Variants in KDM6A observed in about 807,000 individuals in gnomAD.
KDM6A encodes the protein lysine demethylase 6A, also known as lysine-specific demethylase 6A.
In KDM6A, 11 loss-of-function variants were observed where a neutral mutation model predicts 117.6. The ratio of observed to expected loss-of-function variants is 0.09; its 90% CI spans 0.06 to 0.15. The LOEUF (loss-of-function observed/expected upper bound fraction) is 0.15. KDM6A is among the 10% of genes least tolerant of loss of function. KDM6A has a pLI of 1.00. For missense variants in KDM6A, 799 were observed against 1,077.3 expected (o/e 0.74, Z 3.62); for synonymous variants, 384 against 396.1 (o/e 0.97, Z 0.36).
At position 45,109,460 on chromosome X, in the gene KDM6A, A is replaced by G. The variant is rs1164318411; in HGVS notation, c.4162-619A>G. 1.5e-4 allele frequency among the ~76,000 whole-genome samples: 17 copies of G among 112,020 alleles called. 1 individual carries two copies. In the Admixed American group the frequency reaches 1.6e-3, roughly 11 times the overall value. ...GATCATAAGAGTTTTCTGTCATTGA[A>G]GAAATTTAAGGATAAGCCAAAGACA... On this transcript the variant is annotated intron_variant, in intron 28 of 29. Coordinates refer to ENST00000611820, the MANE Select transcript of KDM6A (RefSeq NM_001291415.2).
In KDM6A at chrX:45,070,165, C is replaced by T. The variant is rs1378200811; in HGVS notation, c.2666C>T (p.Thr889Ile). 2 of 1,209,930 alleles carry T rather than the reference C, an allele frequency of 1.7e-6. No homozygotes were observed. The highest frequency in any genetic ancestry group is 2.2e-6 in the Non-Finnish European group (2 of 894,963). ...TCTCCAAAATCCACTGAGCAGACAA[C>T]CACAAACAGTGTTACCAGCCTTAAC... ...TPSPKSTEQT[T>I]TNSVTSLNSP... Residue 889 changes from threonine (T) to isoleucine (I), a missense_variant, in exon 18 of 30, where the codon ACC (threonine) becomes ATC (isoleucine). This residue lies in a region of KDM6A where 291 missense variants were observed against 437.9 expected (regional missense o/e 0.66). Coordinates refer to ENST00000611820, the MANE Select transcript of KDM6A (RefSeq NM_001291415.2).
intron 28 of KDM6A, among the ~76,000 whole-genome samples, chrX:45,109,233 T>C (rs1309677042): frequency 2.8e-5 from 3 of 108,051 alleles, no homozygotes; most frequent in East Asian, 5.8e-4. Flanking sequence ...AATGGGAATA[T>C]TAAAGAAGGG....
chrX:44,985,152 G>A (rs1254007037), intron 4 of KDM6A, among the ~76,000 whole-genome samples: 4 of 110,444 alleles, frequency 3.6e-5, no homozygotes, highest in Non-Finnish European at 7.6e-5. Context: ...GGATTCCTAG[G>A]TATTTTATTC....
chrX:45,046,755 A>G (rs888266859), intron 8 of KDM6A, among the ~76,000 whole-genome samples: 5 of 111,733 alleles, frequency 4.5e-5, no homozygotes, highest in Non-Finnish European at 7.5e-5. Flanking sequence ...TACTAACCCA[A>G]TAAAACTTGT....
intron 3 of KDM6A, among the ~76,000 whole-genome samples, chrX:44,962,358 T>A (rs974443719): frequency 2.7e-5 from 3 of 111,847 alleles, no homozygotes; most frequent in African/African-American, 9.8e-5. Flanking sequence ...TGCACTACCT[T>A]TAACAGATTA....
intron 2 of KDM6A, among the ~76,000 whole-genome samples, chrX:44,955,782 A>G (rs936186748): frequency 8.1e-5 from 9 of 111,353 alleles, no homozygotes; most frequent in African/African-American, 2.9e-4. Context: ...AGCTTCTAAA[A>G]ACCATAATTC....
intron 25 of KDM6A, among the ~76,000 whole-genome samples, chrX:45,087,210 C>T (rs1047468523): frequency 8.9e-6 from 1 of 112,266 alleles, no homozygotes; most frequent in Non-Finnish European, 1.9e-5. Flanking sequence ...AGGCTGGTCT[C>T]GAACTCCTGA....
At chrX:45,043,025 C>T (rs2043349408) in intron 8 of KDM6A, among the ~76,000 whole-genome samples, 2 of 112,723 alleles carry the variant, frequency 1.8e-5, no homozygotes, top group Admixed American at 1.9e-4. Context: ...CGCAGTGGTT[C>T]ATGCCTGTAA....
At chrX:45,008,739 A>T (rs2041623393) in intron 4 of KDM6A, among the ~76,000 whole-genome samples, 1 of 111,573 alleles carries the variant, frequency 9.0e-6, no homozygotes, top group African/African-American at 3.3e-5. Flanking sequence ...AGGGGATGGG[A>T]TAGTAGATGA....
chrX:45,108,863 G>A (rs1234591226), intron 28 of KDM6A, among the ~76,000 whole-genome samples: 5 of 99,752 alleles, frequency 5.0e-5, no homozygotes, highest in East Asian at 3.1e-4. Flanking sequence ...GTAAACTATC[G>A]CAAGAACAAA....
intron 2 of KDM6A, among the ~76,000 whole-genome samples, chrX:44,890,056 C>T (rs2033214658): frequency 8.9e-6 from 1 of 111,753 alleles, no homozygotes; most frequent in African/African-American, 3.3e-5. Flanking sequence ...CTTTTATAGC[C>T]ATATCTACTT....
At chrX:44,907,721 T>A in intron 2 of KDM6A, among the ~76,000 whole-genome samples, 1 of 106,852 alleles carries the variant, frequency 9.4e-6, no homozygotes, top group East Asian at 2.9e-4. Flanking sequence ...GTGCTGGGAT[T>A]ACAGGTGTGA....
At chrX:45,080,521 T>G (rs1314660387) in intron 21 of KDM6A, among the ~76,000 whole-genome samples, 1 of 112,041 alleles carries the variant, frequency 8.9e-6, no homozygotes, top group Non-Finnish European at 1.9e-5. Context: ...GTCCTACCAC[T>G]GACAGTATGT....
At chrX:45,041,652 T>C (rs1156512121) in intron 8 of KDM6A, among the ~76,000 whole-genome samples, 153 of 98,280 alleles carry the variant, frequency 1.6e-3, no homozygotes, top group Non-Finnish European at 2.3e-3. Flanking sequence ...TCTCAGACGA[T>C]GGGCGGCCGG....
At chrX:44,928,170 T>C (rs899622003) in intron 2 of KDM6A, among the ~76,000 whole-genome samples, 1 of 112,393 alleles carries the variant, frequency 8.9e-6, no homozygotes, top group Non-Finnish European at 1.9e-5. Flanking sequence ...ATAGGCTACA[T>C]AGTAGATAAC....
At chrX:44,956,986 C>T (rs1433021633) in intron 2 of KDM6A, among the ~76,000 whole-genome samples, 3 of 109,977 alleles carry the variant, frequency 2.7e-5, no homozygotes, top group Non-Finnish European at 5.7e-5. Context: ...AAAAATTAGC[C>T]GGGCATGGTG....
chrX:45,083,117 T>G (rs1170650193), intron 23 of KDM6A, among the ~76,000 whole-genome samples: 1 of 110,331 alleles, frequency 9.1e-6, no homozygotes, highest in Non-Finnish European at 1.9e-5. Flanking sequence ...TTAAAACTTT[T>G]CTGCAGTTTT....
At position 45,030,092 on chromosome X, in the gene KDM6A, G is replaced by A. The variant is rs760969500; in HGVS notation, c.565-4839G>A. Among the ~76,000 whole-genome samples the A allele has an allele frequency of 4.5e-5, 5 of 110,887 alleles. No homozygotes were observed. In the East Asian group the frequency reaches 1.1e-3, roughly 25 times the overall value. On this transcript the variant is annotated intron_variant, in intron 6 of 29. Coordinates refer to ENST00000611820, the MANE Select transcript of KDM6A (RefSeq NM_001291415.2). ...CACTTTACTATGTTAAATAAAGTAG[G>A]GGATAAAGAAAGTAGCAGCCGGTTT...
intron 5 of KDM6A, among the ~76,000 whole-genome samples, chrX:45,019,875 A>G (rs2042104423): frequency 8.9e-6 from 1 of 111,808 alleles, no homozygotes; most frequent in Non-Finnish European, 1.9e-5. Context: ...TCTTTCCCCA[A>G]CCCCTGAACT....
Sources: allele counts gnomAD v4.1 joint callset (sites outside exome capture counted in the v4.1 genomes callset), GRCh38; gene constraint gnomAD v4.1.1; regional missense constraint gnomAD v4.1.1; transcripts MANE v1.5; gene names NCBI Gene and HGNC (gene_info 2026-07-23, HGNC 2026-07-21).